LINGO2: variants seen among roughly 807,000 people sequenced by gnomAD.
LINGO2 encodes the protein leucine rich repeat and Ig domain containing 2, also known as leucine-rich repeat and immunoglobulin-like domain-containing nogo receptor-interacting protein 2.
Under a neutral mutation model 30.6 loss-of-function variants are expected in LINGO2, and 14 were observed. The observed-to-expected ratio is 0.46, with a 90% CI of 0.30 to 0.72. The LOEUF is 0.72. Among genes scored for constraint, LINGO2 ranks in the 30% least tolerant of loss-of-function variants. The pLI is 0.07. For synonymous variants in LINGO2, 317 were observed against 288.5 expected (o/e 1.10, Z -1.00); for missense variants, 729 against 751.7 (o/e 0.97, Z 0.35).
the LINGO2 span, among the ~76,000 whole-genome samples, chr9:28,699,724 G>T: frequency 0.081 from 12,259 of 151,912 alleles, 742 homozygotes; most frequent in Admixed American, 0.22. Flanking sequence ...AATATTAATA[G>T]TATGACCCTG....
chr9:28,990,044 G>C, the LINGO2 span, among the ~76,000 whole-genome samples: 1 of 152,228 alleles, frequency 6.6e-6, no homozygotes, highest in African/African-American at 2.4e-5. Context: ...AGTGGGCGCA[G>C]GACAGTGGTT....
chr9:28,693,515 A>C, the LINGO2 span, among the ~76,000 whole-genome samples: 1 of 152,144 alleles, frequency 6.6e-6, no homozygotes, highest in Non-Finnish European at 1.5e-5. Flanking sequence ...TTATTCTACC[A>C]GAGATATTCA....
the LINGO2 span, among the ~76,000 whole-genome samples, chr9:28,805,068 G>C: frequency 2.5e-4 from 38 of 152,240 alleles, no homozygotes; most frequent in African/African-American, 8.9e-4. Context: ...CTGGTCCCAA[G>C]TCTATAGTTT....
the LINGO2 span, among the ~76,000 whole-genome samples, chr9:29,043,528 C>T: frequency 6.6e-6 from 1 of 151,904 alleles, no homozygotes; most frequent in South Asian, 2.1e-4. Flanking sequence ...TAATTGAGTT[C>T]TAACATGTAT....
intron 4 of LINGO2, among the ~76,000 whole-genome samples, chr9:28,172,027 A>C (rs1467468479): frequency 2.2e-5 from 2 of 90,384 alleles, no homozygotes; most frequent in African/African-American, 1.2e-4. Flanking sequence ...AAAAAAAAAA[A>C]AAAAAACAAA....
At chr9:28,109,681 C>G (rs1244618135) in intron 4 of LINGO2, among the ~76,000 whole-genome samples, 2 of 152,122 alleles carry the variant, frequency 1.3e-5, no homozygotes, top group Non-Finnish European at 1.5e-5. Context: ...AGGAATACAA[C>G]TGACAAGGGA....
At chr9:29,179,483 C>A in the LINGO2 span, among the ~76,000 whole-genome samples, 1 of 152,068 alleles carries the variant, frequency 6.6e-6, no homozygotes, top group Admixed American at 6.6e-5. Context: ...CGGCTCACTG[C>A]AACCTCCGTT....
the LINGO2 span, among the ~76,000 whole-genome samples, chr9:28,824,837 T>C: frequency 6.6e-6 from 1 of 152,166 alleles, no homozygotes; most frequent in Non-Finnish European, 1.5e-5. Context: ...GGATCTAAAG[T>C]CACAAGACTG....
At chr9:27,949,782 A>C in exon 6 of LINGO2, 2 of 1,614,140 alleles carry the variant, frequency 1.2e-6, no homozygotes, top group Non-Finnish European at 1.7e-6. Flanking sequence ...CTGAAGGCGG[A>C]TCAGGTCAGA....
chr9:28,074,943 C>A (rs1377995401), intron 4 of LINGO2, among the ~76,000 whole-genome samples: 1 of 150,726 alleles, frequency 6.6e-6, no homozygotes, highest in Non-Finnish European at 1.5e-5. Flanking sequence ...TTGTATTATA[C>A]AATATTTTAT....
At chr9:28,548,391 C>T (rs931586538) in intron 1 of LINGO2, among the ~76,000 whole-genome samples, 1 of 151,970 alleles carries the variant, frequency 6.6e-6, no homozygotes, top group Non-Finnish European at 1.5e-5. Flanking sequence ...TACCTGAACA[C>T]CACATTACAT....
chr9:28,497,029 C>A (rs1819661423), intron 1 of LINGO2, among the ~76,000 whole-genome samples: 1 of 152,222 alleles, frequency 6.6e-6, no homozygotes, highest in Non-Finnish European at 1.5e-5. Flanking sequence ...AAGAGATCCG[C>A]AGCTAGTCTG....
At chr9:28,841,317 C>G in the LINGO2 span, among the ~76,000 whole-genome samples, 1 of 151,596 alleles carries the variant, frequency 6.6e-6, no homozygotes. Flanking sequence ...AGCGGATGAA[C>G]AAAAGATTGG....
At chr9:29,011,169 A>T in the LINGO2 span, among the ~76,000 whole-genome samples, 2 of 152,202 alleles carry the variant, frequency 1.3e-5, no homozygotes, top group African/African-American at 4.8e-5. Flanking sequence ...TGAAACTTGC[A>T]TTACTGTACA....
intron 1 of LINGO2, among the ~76,000 whole-genome samples, chr9:28,635,546 A>C (rs975245389): frequency 6.6e-6 from 1 of 152,142 alleles, no homozygotes; most frequent in African/African-American, 2.4e-5. Context: ...AAGAAGAGGA[A>C]GAGATGGGGG....
intron 1 of LINGO2, among the ~76,000 whole-genome samples, chr9:28,569,359 C>T (rs184631513): frequency 1.1e-4 from 16 of 151,446 alleles, no homozygotes; most frequent in African/African-American, 3.1e-4. Context: ...TAGTGTGATT[C>T]GTAACAGCCA....
intron 4 of LINGO2, among the ~76,000 whole-genome samples, chr9:28,231,473 T>G (rs1821353556): frequency 6.6e-6 from 1 of 152,208 alleles, no homozygotes; most frequent in African/African-American, 2.4e-5. Flanking sequence ...TGTTTAATTT[T>G]TTAAAAGGAA....
intron 1 of LINGO2, among the ~76,000 whole-genome samples, chr9:28,542,691 T>C (rs142978667): frequency 1.1e-3 from 174 of 152,176 alleles, no homozygotes; most frequent in Admixed American, 4.9e-3. Flanking sequence ...TTCTCTTTGG[T>C]GTAATTAAGA....
intron 3 of LINGO2, among the ~76,000 whole-genome samples, chr9:28,328,154 C>G (rs1469842479): frequency 6.6e-6 from 1 of 151,976 alleles, no homozygotes; most frequent in Non-Finnish European, 1.5e-5. Flanking sequence ...AGGAAAAGAC[C>G]CTATGGCTCA....
Sources: allele counts gnomAD v4.1 joint callset (sites outside exome capture counted in the v4.1 genomes callset), GRCh38; gene constraint gnomAD v4.1.1; transcripts MANE v1.5; gene names NCBI Gene and HGNC (gene_info 2026-07-23, HGNC 2026-07-21).